Variants in APOLD1 observed in about 807,000 individuals in gnomAD.
The protein encoded by APOLD1 is apolipoprotein L domain-containing protein 1.
Under a neutral mutation model 15.3 loss-of-function variants are expected in APOLD1, and 22 were observed. The observed-to-expected ratio is 1.44, with a 90% confidence interval of 1.03 to 2.05. APOLD1 has a LOEUF of 2.05. Among genes scored for constraint, APOLD1 ranks in the 30% most tolerant of loss-of-function variants. APOLD1 has a pLI of 0.00. For synonymous variants in APOLD1, 190 were observed against 167.4 expected (o/e 1.13, Z -1.04); for missense variants, 394 against 353.5 (o/e 1.11, Z -0.92).
chr12:12,746,735 TG>T (rs1180434835), intron 1 of APOLD1, among the ~76,000 whole-genome samples: 2 of 152,146 alleles, frequency 1.3e-5, no homozygotes, highest in Non-Finnish European at 2.9e-5. Flanking sequence ...ATGATCCTAT[TG>T]CCCAAGTAGT....
At chr12:12,730,333 C>G (rs1413577057) in intron 1 of APOLD1, among the ~76,000 whole-genome samples, 1 of 152,054 alleles carries the variant, frequency 6.6e-6, no homozygotes, top group African/African-American at 2.4e-5. Flanking sequence ...ATCCTACTGC[C>G]TGGGTTTGAG....
intron 1 of APOLD1, among the ~76,000 whole-genome samples, chr12:12,779,109 C>T (rs1255704813): frequency 6.6e-6 from 1 of 151,800 alleles, no homozygotes; most frequent in East Asian, 1.9e-4. Context: ...TCCAGACTGC[C>T]CTCCTCTCTC....
rs372095677 is a variant in APOLD1, at chr12:12,785,672, C to G, written c.-20C>G. On this transcript the variant is annotated 5_prime_UTR_variant, in exon 1 of 2. Transcript: ENST00000356591. Reference sequence around the variant, plus strand: ...AGAAACAGCCTCAGATTTTACTTTCCTGGAGGCAGACAGAAGTGAATGGTA... The same window carrying G: ...AGAAACAGCCTCAGATTTTACTTTCGTGGAGGCAGACAGAAGTGAATGGTA... The G allele has an allele frequency of 1.7e-5, 27 of 1,614,182 alleles. No homozygotes were observed. The African/African-American group carries it at 2.3e-4, about 14-fold the overall frequency.
chr12:12,728,182 G>A (rs1436330265), intron 1 of APOLD1, among the ~76,000 whole-genome samples: 1 of 151,976 alleles, frequency 6.6e-6, no homozygotes, highest in Non-Finnish European at 1.5e-5. Flanking sequence ...GACCAGGCTG[G>A]TATTGAATGC....
upstream of APOLD1, chr12:12,785,496 T>TTTCCTAAATAC: frequency 1.3e-6 from 1 of 751,612 alleles, no homozygotes; most frequent in Non-Finnish European, 2.2e-6. Context: ...AAATACGGGA[T>TTTCCTAAATAC]GTGCTGTGCT....
chr12:12,764,542 G>C (rs540342200), intron 1 of APOLD1: 3 of 255,928 alleles, frequency 1.2e-5, no homozygotes, highest in African/African-American at 6.9e-5. Context: ...ATTACCTCTA[G>C]AGGGTGAAAA....
At chr12:12,743,564 C>T (rs1352432340) in intron 1 of APOLD1, among the ~76,000 whole-genome samples, 2 of 152,158 alleles carry the variant, frequency 1.3e-5, no homozygotes, top group Non-Finnish European at 2.9e-5. Flanking sequence ...GTTTTCTCCA[C>T]AGCACTTCTC....
At position 12,762,133 on chromosome 12, in the gene APOLD1, T is replaced by C. The variant is rs181206647; in HGVS notation, c.97-24776T>C. On this transcript the variant is annotated intron_variant, in intron 1 of 1. Coordinates refer to the APOLD1 transcript ENST00000326765. ...AGCAAACAAAGAAGGGATGGTGAAG[T>C]GCCTAGAGACTAGCAATGGTGGAAA... Among the ~76,000 whole-genome samples the C allele has an allele frequency of 6.8e-4, 104 of 152,094 alleles. 1 individual carries two copies. Among genetic ancestry groups the C allele is most frequent in the African/African-American group, 2.4e-3 (100 of 41,490 alleles).
chr12:12,782,969 G>T (rs1947095586), upstream of APOLD1, among the ~76,000 whole-genome samples: 1 of 152,170 alleles, frequency 6.6e-6, no homozygotes, highest in African/African-American at 2.4e-5. Context: ...ACTTTGGGAG[G>T]CTGGGGCAGG....
chr12:12,770,833 T>C (rs1016970424), intron 1 of APOLD1, among the ~76,000 whole-genome samples: 7 of 144,692 alleles, frequency 4.8e-5, no homozygotes, highest in African/African-American at 7.6e-5. Context: ...CTACAGAAAA[T>C]TTAAGATAAA....
upstream of APOLD1, among the ~76,000 whole-genome samples, chr12:12,782,548 T>TGTGTTAAA (rs1947089535): frequency 2.0e-5 from 3 of 152,182 alleles, no homozygotes; most frequent in Admixed American, 6.5e-5. Flanking sequence ...ACAACTTGTC[T>TGTGTTAAA]CTACAAAAAG....
intron 1 of APOLD1, among the ~76,000 whole-genome samples, chr12:12,762,951 G>A (rs1946912780): frequency 6.6e-6 from 1 of 152,008 alleles, no homozygotes; most frequent in African/African-American, 2.4e-5. Context: ...TTGAAGACCA[G>A]CCTGGGCAAC....
intron 1 of APOLD1, among the ~76,000 whole-genome samples, chr12:12,778,013 T>C (rs746606313): frequency 4.0e-5 from 6 of 148,776 alleles, no homozygotes; most frequent in Non-Finnish European, 8.9e-5. Context: ...AACCTCTGCC[T>C]CCTGGGGCTG....
At chr12:12,749,529 C>T (rs1646918058) in intron 1 of APOLD1, among the ~76,000 whole-genome samples, 1 of 152,220 alleles carries the variant, frequency 6.6e-6, no homozygotes, top group Non-Finnish European at 1.5e-5. Flanking sequence ...CATAGAAGTG[C>T]AACTTTGTAA....
At chr12:12,784,129 TG>T (rs1172433611), upstream of APOLD1, among the ~76,000 whole-genome samples, 2 of 152,216 alleles carry the variant, frequency 1.3e-5, no homozygotes, top group Non-Finnish European at 2.9e-5. Flanking sequence ...ATCCCACCTC[TG>T]TACTATGATA....
At chr12:12,783,346 C>T (rs922116261), upstream of APOLD1, among the ~76,000 whole-genome samples, 21 of 151,994 alleles carry the variant, frequency 1.4e-4, no homozygotes, top group South Asian at 2.1e-4. Flanking sequence ...AGTTTTACTC[C>T]GTTACCCAGG....
At chr12:12,785,813 G>A (rs1231644635) in intron 1 of APOLD1, 119 bp downstream of exon 1, 6 of 991,886 alleles carry the variant, frequency 6.0e-6, no homozygotes, top group Non-Finnish European at 9.7e-6. Flanking sequence ...ATTAAGTCCT[G>A]TGAATAAGGA....
intron 1 of APOLD1, among the ~76,000 whole-genome samples, chr12:12,756,166 A>T (rs540980964): frequency 6.6e-6 from 1 of 152,336 alleles, no homozygotes; most frequent in South Asian, 2.1e-4. Flanking sequence ...CCTCTGTTAG[A>T]TGAAAAAGCC....
At chr12:12,730,701 A>G (rs1161816148) in intron 1 of APOLD1, among the ~76,000 whole-genome samples, 2 of 117,720 alleles carry the variant, frequency 1.7e-5, no homozygotes, top group Non-Finnish European at 3.3e-5. Context: ...AAAAAAAAGA[A>G]AGAAAGAAAA....
Sources: allele counts gnomAD v4.1 joint callset (sites outside exome capture counted in the v4.1 genomes callset), GRCh38; gene constraint gnomAD v4.1.1; transcripts MANE v1.5; gene names NCBI Gene and HGNC (gene_info 2026-07-23, HGNC 2026-07-21).